Variants in PHLDB2 observed in about 807,000 individuals in gnomAD.
The protein encoded by PHLDB2 is pleckstrin homology-like domain family B member 2.
PHLDB2 carries 71 observed loss-of-function variants against 123.6 expected under a neutral mutation model. The ratio of observed to expected loss-of-function variants is 0.57; its 90% CI spans 0.47 to 0.70. The LOEUF (loss-of-function observed/expected upper bound fraction) is 0.70. Ranked by LOEUF, PHLDB2 falls within the 30% of genes least tolerant of loss-of-function variation. The probability of loss-of-function intolerance (pLI) is 0.00; values close to 1 mark genes in which losing one functional copy is unlikely to be tolerated. For missense variants in PHLDB2, 1,446 were observed against 1,519.5 expected, an observed-to-expected ratio of 0.95 and a Z score of 0.80; for synonymous variants, 547 against 541.6, an observed-to-expected ratio of 1.01 and a Z score of -0.14.
At chr3:111,869,541 C>T (rs2065240809) in intron 1 of PHLDB2, among the ~76,000 whole-genome samples, 2 of 152,194 alleles carry the variant, frequency 1.3e-5, no homozygotes, top group Non-Finnish European at 2.9e-5. Context: ...ATCAAAGCCA[C>T]ATTCTGGTCC....
chr3:111,874,586 G>C (rs768263178), intron 1 of PHLDB2, among the ~76,000 whole-genome samples: 3 of 152,156 alleles, frequency 2.0e-5, no homozygotes, highest in Non-Finnish European at 4.4e-5. Context: ...GTCCTAGCAG[G>C]GGGGTGGGAA....
intron 1 of PHLDB2, among the ~76,000 whole-genome samples, chr3:111,844,806 C>A (rs2063873715): frequency 6.6e-6 from 1 of 152,092 alleles, no homozygotes; most frequent in African/African-American, 2.4e-5. Context: ...GTCTCTGGCT[C>A]CTCATTTGTT....
At chr3:111,841,247 C>G (rs183888084) in intron 1 of PHLDB2, among the ~76,000 whole-genome samples, 1 of 152,158 alleles carries the variant, frequency 6.6e-6, no homozygotes, top group East Asian at 1.9e-4. Context: ...CTACAGGCAC[C>G]CGCCATCACA....
chr3:111,781,265 C>G (rs1489914735), intron 1 of PHLDB2, among the ~76,000 whole-genome samples: 2 of 151,948 alleles, frequency 1.3e-5, no homozygotes, highest in Admixed American at 6.6e-5. Flanking sequence ...ATCTCCTTAT[C>G]TCTCTCCACC....
intron 1 of PHLDB2, among the ~76,000 whole-genome samples, chr3:111,873,801 C>T (rs1235586041): frequency 1.3e-5 from 2 of 152,080 alleles, no homozygotes; most frequent in Non-Finnish European, 2.9e-5. Context: ...TTTGTAGCCA[C>T]ACCTAAACAC....
chr3:111,962,865 G>A (rs112772396), intron 13 of PHLDB2, among the ~76,000 whole-genome samples: 2 of 149,118 alleles, frequency 1.3e-5, no homozygotes, highest in East Asian at 4.0e-4. Flanking sequence ...GGAGGCGGAG[G>A]TTACAGTGAG....
intron 1 of PHLDB2, among the ~76,000 whole-genome samples, chr3:111,761,922 A>C (rs1253887229): frequency 6.6e-6 from 1 of 152,210 alleles, no homozygotes; most frequent in Non-Finnish European, 1.5e-5. Context: ...AAGAAGAATT[A>C]CAGAGTAATT....
At position 111,884,739 on chromosome 3, in the gene PHLDB2, C is replaced by T; in HGVS notation, c.662C>T (p.Pro221Leu). Reference sequence around the variant, plus strand: ...ATTCAGGACAGCCTGGCGCTTCAACCCAAGTTAACTAGACACAAGGAGCTT... The same window carrying T: ...ATTCAGGACAGCCTGGCGCTTCAACTCAAGTTAACTAGACACAAGGAGCTT... ...MSIQDSLALQ[P>L]KLTRHKELAS... Residue 221 changes from proline (P) to leucine (L), a missense_variant, in exon 2 of 18, where the codon CCC becomes CTC. Physicochemically the swap from Pro to Leu is moderately conservative, Grantham distance 98. Transcript: ENST00000431670. The T allele has an allele frequency of 1.2e-6, 2 of 1,614,054 alleles. No individual in the cohort carries two copies. Among genetic ancestry groups the T allele is most frequent in the Non-Finnish European group, 1.7e-6 (2 of 1,180,022 alleles).
intron 5 of PHLDB2, among the ~76,000 whole-genome samples, chr3:111,923,282 C>T (rs1187526647): frequency 1.3e-5 from 2 of 152,180 alleles, no homozygotes; most frequent in Non-Finnish European, 2.9e-5. Context: ...GACTCCCGAG[C>T]AGCATTCAGT....
At chr3:111,973,350 A>T (rs2072337950) in intron 16 of PHLDB2, among the ~76,000 whole-genome samples, 1 of 152,248 alleles carries the variant, frequency 6.6e-6, no homozygotes, top group African/African-American at 2.4e-5. Context: ...ATTACAACAG[A>T]TCTACATATT....
chr3:111,803,784 G>A (rs948108759), intron 1 of PHLDB2, among the ~76,000 whole-genome samples: 5 of 152,206 alleles, frequency 3.3e-5, no homozygotes, highest in Non-Finnish European at 5.9e-5. Flanking sequence ...CTCTGATGTT[G>A]CTTTAAAACA....
At chr3:111,811,428 T>G (rs527876868) in intron 1 of PHLDB2, among the ~76,000 whole-genome samples, 1 of 152,204 alleles carries the variant, frequency 6.6e-6, no homozygotes, top group African/African-American at 2.4e-5. Context: ...GTTTTCTCAC[T>G]GGCAAATTAA....
intron 2 of PHLDB2, among the ~76,000 whole-genome samples, chr3:111,850,977 C>T (rs1055460587): frequency 1.3e-4 from 20 of 151,634 alleles, no homozygotes; most frequent in Non-Finnish European, 2.7e-4. Context: ...AGGCAGATCA[C>T]GAGGTCAGGA....
chr3:111,901,941 C>G (rs976797074), intron 2 of PHLDB2, among the ~76,000 whole-genome samples: 6 of 152,240 alleles, frequency 3.9e-5, no homozygotes, highest in African/African-American at 1.4e-4. Flanking sequence ...GAGAAATACA[C>G]TGTTTTCTCC....
At position 111,974,679 on chromosome 3, in the gene PHLDB2, C is replaced by A; in HGVS notation, c.*116C>A. Reference sequence around the variant, plus strand: ...AGATCCATCCCTTGAGCTGTAAACACTCAGAACTCCTTTCATATCAAGACA... The same window carrying A: ...AGATCCATCCCTTGAGCTGTAAACAATCAGAACTCCTTTCATATCAAGACA... On this transcript the variant is annotated 3_prime_UTR_variant, in exon 18 of 18. Transcript: ENST00000431670. 1 of 1,030,926 alleles carries A rather than the reference C, an allele frequency of 9.7e-7. No individual in the cohort carries two copies. Among genetic ancestry groups the A allele is most frequent in the Non-Finnish European group, 1.3e-6 (1 of 763,346 alleles). The allele number at this position is 1,030,926 out of a possible 1,614,324, so 63.9% of individuals were successfully genotyped here. A position where few individuals can be genotyped will look rare whatever the true frequency, so the allele number is the denominator to read the frequency against.
At position 111,845,878 on chromosome 3, in the gene PHLDB2, GAGGA is replaced by G. The variant is rs762990101; in HGVS notation, c.11_14del (p.Glu4ValfsTer34). 10 of 1,614,202 alleles carry G rather than the reference GAGGA, an allele frequency of 6.2e-6. No individual in the cohort carries two copies. Among genetic ancestry groups the G allele is most frequent in the African/African-American group, 4.0e-5 (3 of 75,040 alleles). Reference sequence around the variant, plus strand: ...TCAGCAGAAGATCCTGATGGAGGAGGAGGATACCAAGAGAGAGGTGCCCAAGGAA... The same window carrying G: ...TCAGCAGAAGATCCTGATGGAGGAGGTACCAAGAGAGAGGTGCCCAAGGAA... On this transcript the variant is annotated frameshift_variant, in exon 2 of 18. Coordinates refer to the PHLDB2 transcript ENST00000393923. LOFTEE classifies it high-confidence loss of function.
intron 1 of PHLDB2, among the ~76,000 whole-genome samples, chr3:111,751,254 C>T (rs946850572): frequency 2.6e-5 from 4 of 151,690 alleles, no homozygotes; most frequent in South Asian, 2.1e-4. Flanking sequence ...GGAAGATTTG[C>T]GCAGGAGCCA....
At chr3:111,899,194 A>G (rs2067047366) in intron 2 of PHLDB2, among the ~76,000 whole-genome samples, 1 of 152,072 alleles carries the variant, frequency 6.6e-6, no homozygotes, top group Non-Finnish European at 1.5e-5. Context: ...AACAACCTTT[A>G]TTTTCCTTGT....
rs777704343 is a variant in PHLDB2, at chr3:111,919,204, T to C, written c.1852T>C (p.Ser618Pro). The change falls in exon 4 of 18, where the codon TCT (serine) becomes CCT (proline). Residue 618 changes from serine (S) to proline (P), a missense_variant. Ser to Pro is a moderately conservative substitution (Grantham distance 74, BLOSUM62 -1). Around this residue, in one of 3 missense-constraint regions of PHLDB2, gnomAD observed 832 missense variants for 831.9 expected, o/e 1.00. Coordinates refer to ENST00000431670, the MANE Select transcript of PHLDB2 (RefSeq NM_001134438.2). Reference protein sequence around the residue: ...IKDINDQMDESFRELDMECAL... With the variant: ...IKDINDQMDEPFRELDMECAL... ...AGACATAAATGATCAGATGGATGAG[T>C]CTTTCAGAGAGGTAAACTTTTTACC... The C allele has an allele frequency of 2.0e-5, 32 of 1,613,896 alleles. No individual in the cohort carries two copies. Among genetic ancestry groups the C allele is most frequent in the Non-Finnish European group, 2.5e-5 (29 of 1,179,942 alleles).
Sources: gnomAD v4.1 joint callset for allele counts (sites outside exome capture counted in the v4.1 genomes callset) on GRCh38, gnomAD v4.1.1 for gene constraint, gnomAD v4.1.1 regional missense constraint, MANE v1.5 for transcripts, NCBI Gene and HGNC (gene_info 2026-07-23, HGNC 2026-07-21) for gene names.